Variants in AOX1 observed in about 807,000 individuals in gnomAD.
The protein encoded by AOX1 is aldehyde oxidase.
A neutral mutation model predicts 169.5 loss-of-function variants in AOX1; 153 were observed. The ratio of observed to expected loss-of-function variants is 0.90; its 90% CI spans 0.79 to 1.03. The LOEUF is 1.03. Among genes scored for constraint, AOX1 ranks in the 50% least tolerant of loss-of-function variants. The pLI is 0.00. For synonymous variants in AOX1, 562 were observed against 581.9 expected (o/e 0.97, Z 0.49); for missense variants, 1,656 against 1,663.9 (o/e 1.00, Z 0.08).
chr2:200,680,392 T>G (rs1165667059), downstream of AOX1, among the ~76,000 whole-genome samples: 1 of 152,168 alleles, frequency 6.6e-6, no homozygotes, highest in Non-Finnish European at 1.5e-5. Context: ...ACAAGGAATT[T>G]GTATTCCATG....
intron 3 of AOX1, among the ~76,000 whole-genome samples, chr2:200,596,454 C>G (rs895215170): frequency 6.6e-6 from 1 of 152,176 alleles, no homozygotes; most frequent in Non-Finnish European, 1.5e-5. Context: ...GTTTAAGGAC[C>G]AGTATGCTTG....
intron 14 of AOX1, among the ~76,000 whole-genome samples, chr2:200,613,192 AAAGATGACACT>A (rs1157488727): frequency 6.6e-6 from 1 of 152,210 alleles, no homozygotes; most frequent in Non-Finnish European, 1.5e-5. Flanking sequence ...TCCTATATCT[AAAGATGACACT>A]AATAGCTAAT....
intron 10 of AOX1, among the ~76,000 whole-genome samples, chr2:200,606,663 A>G (rs1178846855): frequency 6.6e-6 from 1 of 152,102 alleles, no homozygotes; most frequent in Non-Finnish European, 1.5e-5. Flanking sequence ...TTCCTTAAGC[A>G]GTGGTTGGTA....
Position 200,623,997 on chromosome 2 carries a change from T to C in AOX1, c.2124+14T>C, listed in dbSNP as rs760906365. ...CTAACAATTGAGGTAATGAGTTCTG[T>C]GGAATGGTGGTGCCAGTTGGGAGCC... is the stretch of plus-strand genomic sequence containing the variant. On this transcript the variant is annotated intron_variant, in intron 19 of 34. Coordinates refer to ENST00000374700, the MANE Select transcript of AOX1 (RefSeq NM_001159.4). 1.9e-6 allele frequency: 3 copies of C among 1,612,520 alleles called. No individual in the cohort carries two copies. The highest frequency in any genetic ancestry group is 2.2e-5 in the South Asian group (2 of 91,038).
intron 34 of AOX1, among the ~76,000 whole-genome samples, chr2:200,670,048 A>C (rs1218485832): frequency 6.6e-6 from 1 of 151,990 alleles, no homozygotes; most frequent in Non-Finnish European, 1.5e-5. Flanking sequence ...CTTGGTCAGG[A>C]ATAGAAGTTC....
At chr2:200,667,667 A>G (rs1574966166) in intron 32 of AOX1, among the ~76,000 whole-genome samples, 1 of 151,240 alleles carries the variant, frequency 6.6e-6, no homozygotes, top group Non-Finnish European at 1.5e-5. Flanking sequence ...TAATCAGGCC[A>G]GGGCAGATGA....
chr2:200,654,876 T>A (rs2035651581), intron 26 of AOX1, among the ~76,000 whole-genome samples: 2 of 152,220 alleles, frequency 1.3e-5, no homozygotes, highest in African/African-American at 4.8e-5. Flanking sequence ...GCCACTTAAC[T>A]AAACCAAATT....
intron 21 of AOX1, among the ~76,000 whole-genome samples, chr2:200,636,012 C>T (rs1001225887): frequency 1.3e-5 from 2 of 149,390 alleles, no homozygotes; most frequent in South Asian, 2.2e-4. Context: ...ATTGTTAAGA[C>T]TAAATGACCC....
chr2:200,668,622 G>A lies in AOX1; in HGVS notation c.3617G>A (p.Gly1206Asp). Reference protein sequence around the residue: ...NPAIDIGQIEGAFIQGMGLYT... With the variant: ...NPAIDIGQIEDAFIQGMGLYT... ...TTTTTGTTCTTGCCTCAGATTGAAG[G>A]TGCATTTATTCAAGGCATGGGACTT... The change falls in exon 33 of 35, where the codon GGT (glycine) becomes GAT (aspartate). Residue 1206 changes from glycine to aspartate, a missense_variant. Gly to Asp is a moderately conservative substitution (Grantham distance 94). Transcript: ENST00000374700. The A allele has an allele frequency of 2.5e-6, 4 of 1,603,070 alleles. No homozygotes were observed. The highest frequency in any genetic ancestry group is 3.4e-6 in the Non-Finnish European group (4 of 1,175,170).
intron 20 of AOX1, among the ~76,000 whole-genome samples, chr2:200,634,255 A>AAAC (rs372651398): frequency 0.023 from 3,391 of 145,512 alleles, 130 homozygotes; most frequent in African/African-American, 0.079. Flanking sequence ...TATCTGAGGC[A>AAAC]AACAACAACA....
intron 5 of AOX1, among the ~76,000 whole-genome samples, chr2:200,601,050 T>C (rs1477992105): frequency 6.7e-6 from 1 of 150,016 alleles, no homozygotes; most frequent in Non-Finnish European, 1.5e-5. Flanking sequence ...CTTTGATCTT[T>C]CTGTCAGCTG....
In AOX1 at chr2:200,651,004, G is replaced by A; in HGVS notation, c.2878G>A (p.Asp960Asn). Residue 960 changes from aspartate (D) to asparagine (N), a missense_variant, in exon 26 of 35, where the codon GAT (aspartate) becomes AAT (asparagine). Coordinates refer to ENST00000374700, the MANE Select transcript of AOX1 (RefSeq NM_001159.4). Reference protein sequence around the residue: ...VRIINMYKEIDQTPYKQEINA... With the variant: ...VRIINMYKEINQTPYKQEINA... Reference sequence around the variant, plus strand: ...AATCATAAACATGTACAAGGAAATTGATCAAACACCCTACAAACAAGAGAT... The same window carrying A: ...AATCATAAACATGTACAAGGAAATTAATCAAACACCCTACAAACAAGAGAT... 1 of 1,614,110 alleles carries A rather than the reference G, an allele frequency of 6.2e-7. No individual in the cohort carries two copies. The highest frequency in any genetic ancestry group is 8.5e-7 in the Non-Finnish European group (1 of 1,180,012).
intron 4 of AOX1, among the ~76,000 whole-genome samples, chr2:200,676,710 A>G (rs376147392): frequency 9.0e-4 from 137 of 152,294 alleles, no homozygotes; most frequent in African/African-American, 3.2e-3. Flanking sequence ...ATTGCCATGA[A>G]AGTTCCAGGT....
chr2:200,609,786 C>T (rs2034596681), intron 12 of AOX1, among the ~76,000 whole-genome samples: 1 of 152,166 alleles, frequency 6.6e-6, no homozygotes, highest in South Asian at 2.1e-4. Context: ...GCACCCACAT[C>T]GTGCTTTGAG....
rs1328670563 is a variant in AOX1, at chr2:200,636,905, T to A, written c.2347-6T>A. On this transcript the variant is annotated splice_region_variant and splice_polypyrimidine_tract_variant and intron_variant, in intron 21 of 34. Transcript: ENST00000374700. The stretch of plus-strand genomic sequence containing the variant: ...TCAGATTAATCAGAACTATTATTGT[T>A]CACAGGACATTGTTGCCTCAACCTT... 2 of 1,613,696 alleles carry A rather than the reference T, an allele frequency of 1.2e-6. No homozygotes were observed. Among genetic ancestry groups the A allele is most frequent in the African/African-American group, 2.7e-5 (2 of 75,036 alleles).
At chr2:200,611,300 A>G (rs2034634385) in intron 12 of AOX1, 84 bp from the exon 13 acceptor site, 1 of 913,282 alleles carries the variant, frequency 1.1e-6, no homozygotes, top group Non-Finnish European at 1.8e-6. Context: ...TTCCTCAGGT[A>G]TTTGGTAGAA....
chr2:200,609,011 T>C lies in AOX1; in HGVS notation c.935T>C (p.Leu312Pro), dbSNP rs1439605973. ...CTCACCCTTGGTGCTGGTCTCAGCC[T>C]AGCCCAGGTGAAGGACATTTTGGCT... The part of the protein sequence containing the change: ...NGLTLGAGLS[L>P]AQVKDILADV... The change falls in exon 11 of 35, where the codon CTA (leucine) becomes CCA (proline). Residue 312 changes from leucine to proline, a missense_variant. Physicochemically the swap from Leu to Pro is moderately conservative, Grantham distance 98. Transcript: ENST00000374700. The C allele has an allele frequency of 6.2e-7, 1 of 1,613,974 alleles. No individual in the cohort carries two copies. Among genetic ancestry groups the C allele is most frequent in the African/African-American group, 1.3e-5 (1 of 74,938 alleles).
chr2:200,608,898 G>T (rs1220362507), intron 10 of AOX1, 86 bp from the exon 11 acceptor site: 3 of 1,241,688 alleles, frequency 2.4e-6, no homozygotes, highest in Non-Finnish European at 3.4e-6. Context: ...CCAGTATAAA[G>T]ATTCTATGTC....
intron 22 of AOX1, among the ~76,000 whole-genome samples, chr2:200,637,711 T>G (rs2035264519): frequency 1.3e-5 from 2 of 152,210 alleles, no homozygotes; most frequent in African/African-American, 4.8e-5. Context: ...CATTTTCCTT[T>G]GAGGATCTCA....
Sources: gnomAD v4.1 joint callset for allele counts (sites outside exome capture counted in the v4.1 genomes callset) on GRCh38, gnomAD v4.1.1 for gene constraint, MANE v1.5 for transcripts, NCBI Gene and HGNC (gene_info 2026-07-23, HGNC 2026-07-21) for gene names.